The following SLC1A3 variants were observed in gnomAD, a reference collection of about 807,000 sequenced individuals.
SLC1A3 encodes excitatory amino acid transporter 1.
A neutral mutation model predicts 48.1 loss-of-function variants in SLC1A3; 21 were observed. The observed-to-expected ratio is 0.44, with a 90% CI of 0.31 to 0.63. The LOEUF is 0.63. Among genes scored for constraint, SLC1A3 ranks in the 20% least tolerant of loss-of-function variants. SLC1A3 has a pLI of 0.08. For synonymous variants in SLC1A3, 239 were observed against 251.4 expected (o/e 0.95, Z 0.47); for missense variants, 546 against 689.0 (o/e 0.79, Z 2.32).
upstream of SLC1A3, among the ~76,000 whole-genome samples, chr5:36,603,473 T>C (rs1466529119): frequency 6.6e-6 from 1 of 152,254 alleles, no homozygotes; most frequent in African/African-American, 2.4e-5. Context: ...AAAGAATAAA[T>C]GAATGTGATA....
At chr5:36,664,216 C>A (rs1456805846) in intron 3 of SLC1A3, among the ~76,000 whole-genome samples, 1 of 152,206 alleles carries the variant, frequency 6.6e-6, no homozygotes, top group Admixed American at 6.5e-5. Flanking sequence ...TCACTGCAAC[C>A]TCTGCCTCCC....
intron 1 of SLC1A3, among the ~76,000 whole-genome samples, chr5:36,600,099 A>T (rs1738791858): frequency 6.6e-6 from 1 of 152,050 alleles, no homozygotes; most frequent in Admixed American, 6.6e-5. Flanking sequence ...GAGTACTTTG[A>T]GTTACCCAAT....
intron 3 of SLC1A3, among the ~76,000 whole-genome samples, chr5:36,656,163 T>TA (rs916420258): frequency 1.5e-3 from 223 of 152,130 alleles, no homozygotes; most frequent in African/African-American, 5.2e-3. Flanking sequence ...AACTACTGGG[T>TA]AAAAAAAATA....
chr5:36,608,967 T>G lies in SLC1A3; in HGVS notation c.181+363T>G, dbSNP rs991628778. The G allele has an allele frequency of 9.8e-6, 10 of 1,015,442 alleles. No individual in the cohort carries two copies. In the African/African-American group the frequency reaches 1.7e-4, roughly 18 times the overall value. 62.9% of individuals were successfully genotyped at this position (1,015,442 alleles called of 1,614,324 possible). The stretch of plus-strand genomic sequence containing the variant: ...TAATTATATACAATGTCAGTTGCAC[T>G]TAAAACTAATTTATACAATTAGTAC... On this transcript the variant is annotated intron_variant, in intron 2 of 9. Transcript: ENST00000265113.
chr5:36,671,654 C>T (rs532866086), intron 4 of SLC1A3, among the ~76,000 whole-genome samples: 2 of 152,278 alleles, frequency 1.3e-5, no homozygotes, highest in South Asian at 2.1e-4. Context: ...CTATGCACAA[C>T]GCATTATACA....
At chr5:36,611,472 A>T (rs1739195274) in intron 2 of SLC1A3, among the ~76,000 whole-genome samples, 2 of 152,116 alleles carry the variant, frequency 1.3e-5, no homozygotes, top group Admixed American at 1.3e-4. Flanking sequence ...AATTATAAAT[A>T]TTTTGATATA....
At chr5:36,670,747 G>A in intron 3 of SLC1A3, 1 of 491,770 alleles carries the variant, frequency 2.0e-6, no homozygotes, top group African/African-American at 1.9e-5. Flanking sequence ...TGCACTTTTG[G>A]ACCATTAGAG....
chr5:36,634,639 TAAAAC>T (rs1328144869), intron 3 of SLC1A3, among the ~76,000 whole-genome samples: 2 of 152,004 alleles, frequency 1.3e-5, no homozygotes, highest in Non-Finnish European at 2.9e-5. Context: ...TTATCCAAAA[TAAAAC>T]AAATAAATTT....
intron 8 of SLC1A3, among the ~76,000 whole-genome samples, chr5:36,683,564 C>T (rs946367820): frequency 1.3e-5 from 2 of 151,892 alleles, no homozygotes; most frequent in Non-Finnish European, 2.9e-5. Flanking sequence ...GAATATTAGT[C>T]GAGTGTGGGG....
At chr5:36,605,242 A>G (rs1738884901), upstream of SLC1A3, among the ~76,000 whole-genome samples, 1 of 152,222 alleles carries the variant, frequency 6.6e-6, no homozygotes, top group African/African-American at 2.4e-5. Context: ...AGTACAAAAC[A>G]TGGTATAATT....
intron 3 of SLC1A3, among the ~76,000 whole-genome samples, chr5:36,663,380 A>ATTTTTTTTTTTTTTTTTTTTTT (rs1156283585): frequency 2.1e-3 from 144 of 69,328 alleles, no homozygotes; most frequent in African/African-American, 3.1e-3. Context: ...CACGCCCGGC[A>ATTTTTTTTTTTTTTTTTTTTTT]TTTTTTTTTT....
chr5:36,616,671 A>G (rs1299185151), intron 2 of SLC1A3, among the ~76,000 whole-genome samples: 1 of 152,226 alleles, frequency 6.6e-6, no homozygotes, highest in Non-Finnish European at 1.5e-5. Flanking sequence ...TAATGAGAGT[A>G]GGGAGAAAAA....
intron 3 of SLC1A3, among the ~76,000 whole-genome samples, chr5:36,635,196 A>T (rs564019265): frequency 1.3e-5 from 2 of 152,070 alleles, no homozygotes; most frequent in South Asian, 4.2e-4. Context: ...AACAGTATCT[A>T]ACGCAGGGAG....
chr5:36,676,468 T>A (rs1742210929), intron 5 of SLC1A3, among the ~76,000 whole-genome samples: 1 of 152,098 alleles, frequency 6.6e-6, no homozygotes, highest in African/African-American at 2.4e-5. Flanking sequence ...CATAGCATGA[T>A]CCCCACAGAA....
chr5:36,680,506 T>A lies in SLC1A3; in HGVS notation c.1206T>A (p.Thr402=). The A allele has an allele frequency of 6.2e-7, 1 of 1,614,206 alleles. No individual in the cohort carries two copies. The highest frequency in any genetic ancestry group is 1.1e-5 in the South Asian group (1 of 91,088). ...PVGATINMDG[T]ALYEALAAIF... ...GAGCCACCATTAACATGGATGGGACTGCCCTCTATGAGGCTTTGGCTGCCA... is the reference window on the plus strand; with the variant it reads ...GAGCCACCATTAACATGGATGGGACAGCCCTCTATGAGGCTTTGGCTGCCA... The change falls in exon 8 of 10, where the codon ACT becomes ACA. Residue 402 remains threonine (T), a synonymous_variant. Transcript: ENST00000265113.
chr5:36,673,445 C>G (rs1305496345), intron 4 of SLC1A3, among the ~76,000 whole-genome samples: 1 of 152,222 alleles, frequency 6.6e-6, no homozygotes, highest in Admixed American at 6.5e-5. Flanking sequence ...CAAACACAAA[C>G]AGTGCTTTGA....
chr5:36,612,896 G>T (rs148814734), intron 2 of SLC1A3: 2 of 453,754 alleles, frequency 4.4e-6, no homozygotes, highest in African/African-American at 4.0e-5. Context: ...TTTGCTGAGG[G>T]TCTGCCTGAG....
chr5:36,646,178 G>C (rs1740833028), intron 3 of SLC1A3, among the ~76,000 whole-genome samples: 1 of 152,208 alleles, frequency 6.6e-6, no homozygotes, highest in Non-Finnish European at 1.5e-5. Flanking sequence ...ACATCAAGGA[G>C]GGCAGCATTG....
chr5:36,604,309 G>A (rs903154894), upstream of SLC1A3, among the ~76,000 whole-genome samples: 5 of 149,738 alleles, frequency 3.3e-5, no homozygotes, highest in African/African-American at 1.3e-4. Flanking sequence ...ATAATTTCTT[G>A]ATCTTTCATT....
Sources: gnomAD v4.1 joint callset for allele counts (sites outside exome capture counted in the v4.1 genomes callset) on GRCh38, gnomAD v4.1.1 for gene constraint, MANE v1.5 for transcripts, NCBI Gene and HGNC (gene_info 2026-07-23, HGNC 2026-07-21) for gene names.